HERC4: variants seen among roughly 807,000 people sequenced by gnomAD.
HERC4 encodes probable E3 ubiquitin-protein ligase HERC4.
Under a neutral mutation model 124.3 loss-of-function variants are expected in HERC4, and 28 were observed. That is an observed-to-expected ratio of 0.23 (90% confidence interval 0.17 to 0.31). The LOEUF is 0.31. Among genes scored for constraint, HERC4 ranks in the 10% least tolerant of loss-of-function variants. The probability of loss-of-function intolerance (pLI) is 1.00; values close to 1 mark genes in which losing one functional copy is unlikely to be tolerated. For synonymous variants in HERC4, 407 were observed against 421.5 expected, an observed-to-expected ratio of 0.97 and a Z score of 0.42; for missense variants, 713 against 1,229.3, an observed-to-expected ratio of 0.58 and a Z score of 6.28.
Position 68,044,618 on chromosome 10 carries a change from G to T in HERC4, c.227-55C>A, listed in dbSNP as rs144888944. On this transcript the variant is annotated intron_variant, in intron 3 of 24. Coordinates refer to ENST00000373700, the MANE Select transcript of HERC4 (RefSeq NM_015601.4). ...TTCTAGTACAGAAATCAAGGAAAAAGATATTGCATTCTAGTTTTGAACTTC... is the reference window on the plus strand; with the variant it reads ...TTCTAGTACAGAAATCAAGGAAAAATATATTGCATTCTAGTTTTGAACTTC... The T allele has an allele frequency of 1.1e-5, 16 of 1,497,960 alleles. No homozygotes were observed. In the African/African-American group the frequency reaches 2.1e-4, roughly 20 times the overall value. 92.8% of individuals were successfully genotyped at this position (1,497,960 alleles called of 1,614,324 possible). A position where few individuals can be genotyped will look rare whatever the true frequency, so the allele number is the denominator to read the frequency against.
In HERC4 at chr10:68,038,146, A is replaced by G; in HGVS notation, c.410T>C (p.Ile137Thr). Reference protein sequence around the residue: ...VPRNIKSLSDIQIVQVACGYY... With the variant: ...VPRNIKSLSDTQIVQVACGYY... The stretch of plus-strand genomic sequence containing the variant: ...ACCACAAGCAACCTGTACAATCTGG[A>G]TATCTGACAAACTTTTAATATTTCT... Residue 137 changes from isoleucine (I) to threonine (T), a missense_variant, in exon 5 of 25, where the codon ATC becomes ACC. Physicochemically the swap from Ile to Thr is moderately conservative, Grantham distance 89. Transcript: ENST00000373700. 1 of 1,533,162 alleles carries G rather than the reference A, an allele frequency of 6.5e-7. No homozygotes were observed. Among genetic ancestry groups the G allele is most frequent in the Non-Finnish European group, 8.8e-7 (1 of 1,141,860 alleles). 95.0% of individuals were successfully genotyped at this position (1,533,162 alleles called of 1,614,324 possible). A position where few individuals can be genotyped will look rare whatever the true frequency, so the allele number is the denominator to read the frequency against.
intron 15 of HERC4, among the ~76,000 whole-genome samples, chr10:67,980,175 G>A (rs1020561278): frequency 2.6e-5 from 4 of 151,896 alleles, no homozygotes; most frequent in Admixed American, 6.6e-5. Context: ...GCAATGGCGC[G>A]ATCTCGGCTC....
At chr10:67,931,614 G>A (rs1289247417) in intron 23 of HERC4, among the ~76,000 whole-genome samples, 2 of 151,748 alleles carry the variant, frequency 1.3e-5, no homozygotes, top group Non-Finnish European at 2.9e-5. Flanking sequence ...TAGTAGAGAC[G>A]AGGTTTCACC....
chr10:67,975,645 C>T (rs2035540727), intron 15 of HERC4, among the ~76,000 whole-genome samples: 1 of 152,186 alleles, frequency 6.6e-6, no homozygotes, highest in African/African-American at 2.4e-5. Flanking sequence ...CCACCATGCT[C>T]AGCCGACACA....
chr10:67,939,503 T>C (rs2032686371), intron 21 of HERC4, 85 bp downstream of exon 21: 2 of 901,496 alleles, frequency 2.2e-6, no homozygotes, highest in Non-Finnish European at 3.4e-6. Flanking sequence ...ATTCCATCCA[T>C]CAAAATAAAG....
chr10:67,954,135 C>T (rs2033989375), intron 19 of HERC4: 1 of 152,350 alleles, frequency 6.6e-6, no homozygotes, highest in Admixed American at 6.5e-5. Context: ...AACTCTGCCG[C>T]TGCTATTGTA....
chr10:67,942,196 G>T, intron 19 of HERC4, among the ~76,000 whole-genome samples: 1 of 152,156 alleles, frequency 6.6e-6, no homozygotes, highest in Non-Finnish European at 1.5e-5. Context: ...GCCTGGTTTA[G>T]CAGTCTAGCC....
chr10:67,998,015 C>T (rs1354172989), intron 9 of HERC4, among the ~76,000 whole-genome samples: 2 of 152,008 alleles, frequency 1.3e-5, no homozygotes, highest in Non-Finnish European at 2.9e-5. Context: ...TCTCCTGCCT[C>T]AGCCTCTGGA....
intron 3 of HERC4, among the ~76,000 whole-genome samples, chr10:68,063,527 C>T (rs576896292): frequency 9.9e-5 from 15 of 151,772 alleles, no homozygotes; most frequent in Non-Finnish European, 2.2e-4. Flanking sequence ...ATTTTAAAAA[C>T]TTTCATTTAC....
chr10:68,041,045 A>T (rs1260925680), intron 4 of HERC4, among the ~76,000 whole-genome samples: 3 of 152,176 alleles, frequency 2.0e-5, no homozygotes, highest in Non-Finnish European at 2.9e-5. Context: ...GAATATGTAT[A>T]CTGTTGTATT....
At chr10:68,039,031 A>T (rs1369376951) in intron 4 of HERC4, among the ~76,000 whole-genome samples, 1 of 151,944 alleles carries the variant, frequency 6.6e-6, no homozygotes, top group Non-Finnish European at 1.5e-5. Context: ...GATGCGGATT[A>T]CAGGTGGGTT....
At chr10:68,067,785 AG>A (rs1379681070) in intron 3 of HERC4, 1 of 152,244 alleles carries the variant, frequency 6.6e-6, no homozygotes, top group Non-Finnish European at 1.5e-5. Context: ...ATCTTTAAAA[AG>A]AGTTCAACAT....
chr10:67,968,272 C>A (rs548651555), intron 15 of HERC4, among the ~76,000 whole-genome samples: 2 of 152,152 alleles, frequency 1.3e-5, no homozygotes, highest in South Asian at 4.2e-4. Context: ...TAACTCTAAA[C>A]CATGAATGCA....
chr10:68,035,048 C>G (rs2039386994), intron 5 of HERC4, among the ~76,000 whole-genome samples: 1 of 152,060 alleles, frequency 6.6e-6, no homozygotes, highest in South Asian at 2.1e-4. Flanking sequence ...AACTGATACA[C>G]TAATAACTGA....
chr10:67,959,787 A>C (rs898893810), intron 16 of HERC4, among the ~76,000 whole-genome samples: 1 of 152,234 alleles, frequency 6.6e-6, no homozygotes, highest in Non-Finnish European at 1.5e-5. Context: ...GTAATAGTGG[A>C]AATTATAATG....
chr10:67,939,918 C>CTTATT (rs199641435), intron 20 of HERC4, among the ~76,000 whole-genome samples: 1,623 of 151,750 alleles, frequency 0.011, 26 homozygotes, highest in African/African-American at 0.037. Flanking sequence ...AACATTTTTC[C>CTTATT]TTATTTTATT....
At chr10:67,997,804 T>C (rs1283292407) in intron 9 of HERC4, among the ~76,000 whole-genome samples, 1 of 152,242 alleles carries the variant, frequency 6.6e-6, no homozygotes, top group African/African-American at 2.4e-5. Context: ...CCATGACCTG[T>C]GCTCTTGTAC....
intron 15 of HERC4, among the ~76,000 whole-genome samples, chr10:67,980,619 G>A (rs566026884): frequency 2.2e-4 from 34 of 152,096 alleles, no homozygotes; most frequent in Non-Finnish European, 4.7e-4. Flanking sequence ...TTACAACACT[G>A]TAATTATGGT....
chr10:67,995,348 G>A (rs893566100), intron 9 of HERC4: 1 of 292,448 alleles, frequency 3.4e-6, no homozygotes, highest in Non-Finnish European at 6.5e-6. Context: ...TGAAGCATTA[G>A]TTTCTCCCTA....
Sources: allele counts gnomAD v4.1 joint callset (sites outside exome capture counted in the v4.1 genomes callset), GRCh38; gene constraint gnomAD v4.1.1; transcripts MANE v1.5; gene names NCBI Gene and HGNC (gene_info 2026-07-23, HGNC 2026-07-21).